Variants in ARG2 observed in about 807,000 individuals in gnomAD.
ARG2 encodes the protein arginase 2.
ARG2 carries 21 observed loss-of-function variants against 39.4 expected under a neutral mutation model. That is an observed-to-expected ratio of 0.53 (90% CI 0.38 to 0.77). The LOEUF (loss-of-function observed/expected upper bound fraction) is 0.77. Ranked by LOEUF, ARG2 falls within the 30% of genes least tolerant of loss-of-function variation. The probability of loss-of-function intolerance (pLI) is 0.00; values close to 1 mark genes in which losing one functional copy is unlikely to be tolerated. For missense variants in ARG2, 378 were observed against 426.2 expected, an observed-to-expected ratio of 0.89 and a Z score of 1.00; for synonymous variants, 150 against 156.7, an observed-to-expected ratio of 0.96 and a Z score of 0.32.
chr14:67,646,499 C>A, intron 4 of ARG2, 145 bp from the exon 5 acceptor site: 1 of 601,490 alleles, frequency 1.7e-6, no homozygotes, highest in East Asian at 2.8e-5. Flanking sequence ...CTTCTCCTTC[C>A]CAGATCAAGT....
chr14:67,642,459 T>C lies in ARG2; in HGVS notation c.362+96T>C. The C allele has an allele frequency of 3.6e-6, 5 of 1,381,440 alleles. No individual in the cohort carries two copies. The South Asian group carries it at 5.5e-5, about 15-fold the overall frequency. 85.6% of individuals were successfully genotyped at this position (1,381,440 alleles called of 1,614,324 possible). A position where few individuals can be genotyped will look rare whatever the true frequency, so the allele number is the denominator to read the frequency against. ...ATCTGTTTCTTCATCTGGAGAAAAA[T>C]ACCCTACAGAATTTTTAGGGTAGAT... On this transcript the variant is annotated intron_variant, in intron 3 of 7. Transcript: ENST00000261783.
Position 67,648,033 on chromosome 14 carries a change from C to G in ARG2, c.723-14C>G. ...GTATTATTTTAAGTATTATTTTATCCTCTTCCTTTTTAGGAGACAAAGACC... is the reference window on the plus strand; with the variant it reads ...GTATTATTTTAAGTATTATTTTATCGTCTTCCTTTTTAGGAGACAAAGACC... On this transcript the variant is annotated splice_polypyrimidine_tract_variant and intron_variant, in intron 6 of 7. Transcript: ENST00000261783. 6.3e-7 allele frequency: 1 copy of G among 1,594,214 alleles called. No individual in the cohort carries two copies. The highest frequency in any genetic ancestry group is 8.6e-7 in the Non-Finnish European group (1 of 1,168,804).
At chr14:67,647,806 AGTCT>A (rs1183751334) in intron 6 of ARG2, 14 of 493,684 alleles carry the variant, frequency 2.8e-5, no homozygotes, top group Non-Finnish European at 4.7e-5. Context: ...CATTGGAGTT[AGTCT>A]GTCTGAGGTA....
chr14:67,624,894 C>T (rs754698892), intron 2 of ARG2, among the ~76,000 whole-genome samples: 14 of 152,146 alleles, frequency 9.2e-5, no homozygotes, highest in Admixed American at 2.0e-4. Context: ...TGCCCTGTTC[C>T]CATGCTGCCT....
At chr14:67,627,301 T>G (rs1349549754) in intron 2 of ARG2, among the ~76,000 whole-genome samples, 3 of 143,038 alleles carry the variant, frequency 2.1e-5, no homozygotes, top group Non-Finnish European at 4.5e-5. Flanking sequence ...TCTGAATTGC[T>G]AATATTGATC....
chr14:67,642,793 C>CTTT (rs869215946), intron 3 of ARG2, among the ~76,000 whole-genome samples: 9,497 of 75,354 alleles, frequency 0.13, 3,261 homozygotes, highest in East Asian at 0.27. Context: ...ACTACATTTT[C>CTTT]TTTTTTTTTT....
At chr14:67,624,226 T>C (rs1170176718) in intron 2 of ARG2, among the ~76,000 whole-genome samples, 1 of 152,172 alleles carries the variant, frequency 6.6e-6, no homozygotes, top group Non-Finnish European at 1.5e-5. Context: ...TTGTACTCTT[T>C]TCTCCAGTTT....
At position 67,642,249 on chromosome 14, in the gene ARG2, A is replaced by G; in HGVS notation, c.248A>G (p.Asn83Ser). The stretch of plus-strand genomic sequence containing the variant: ...CCAGTCCCCAAAGATGATCTCTACA[A>G]CAACCTGATAGTGAATCCACGCTCA... ...FTPVPKDDLY[N>S]NLIVNPRSVG... Residue 83 changes from asparagine to serine, a missense_variant, in exon 3 of 8, where the codon AAC becomes AGC. Physicochemically the swap from Asn to Ser is conservative, Grantham distance 46 (BLOSUM62 1). Transcript: ENST00000261783. 1 of 1,612,588 alleles carries G rather than the reference A, an allele frequency of 6.2e-7. No homozygotes were observed. The highest frequency in any genetic ancestry group is 8.5e-7 in the Non-Finnish European group (1 of 1,178,786).
intron 2 of ARG2, among the ~76,000 whole-genome samples, chr14:67,623,716 AT>A: frequency 6.6e-6 from 1 of 151,822 alleles, no homozygotes; most frequent in South Asian, 2.1e-4. Flanking sequence ...TAATTTTTGT[AT>A]TTTTAGTAGA....
At position 67,634,185 on chromosome 14, in the gene ARG2, T is replaced by C. The variant is rs372059164; in HGVS notation, c.185-8001T>C. 2.0e-5 allele frequency among the ~76,000 whole-genome samples: 3 copies of C among 152,268 alleles called. No homozygotes were observed. In the South Asian group the frequency reaches 6.2e-4, roughly 32 times the overall value. On this transcript the variant is annotated intron_variant, in intron 2 of 7. Coordinates refer to ENST00000261783, the MANE Select transcript of ARG2 (RefSeq NM_001172.4). ...CTTGATGAGTTTTCCCAAACCAGTA[T>C]TTTGTTTCTCTGAAAATGATCTGCT...
At chr14:67,643,483 T>C (rs987379104) in intron 3 of ARG2, among the ~76,000 whole-genome samples, 1 of 152,164 alleles carries the variant, frequency 6.6e-6, no homozygotes, top group Non-Finnish European at 1.5e-5. Context: ...AGGTGGTAGA[T>C]ATGGTTTTAT....
chr14:67,629,256 A>G (rs2036895731), intron 2 of ARG2, among the ~76,000 whole-genome samples: 2 of 152,190 alleles, frequency 1.3e-5, no homozygotes, highest in Non-Finnish European at 2.9e-5. Flanking sequence ...GTATTGCTTG[A>G]GCCCAGGAGG....
intron 2 of ARG2, among the ~76,000 whole-genome samples, chr14:67,639,697 G>A (rs962866662): frequency 2.6e-5 from 4 of 152,106 alleles, no homozygotes; most frequent in Admixed American, 1.3e-4. Flanking sequence ...GAGGCAGGTG[G>A]ATCACTTGCG....
intron 2 of ARG2, among the ~76,000 whole-genome samples, chr14:67,638,369 C>CA (rs11300364): frequency 4.7e-4 from 70 of 147,976 alleles, no homozygotes; most frequent in Non-Finnish European, 5.3e-4. Flanking sequence ...ACAAATAATC[C>CA]AAAAAAAAAA....
At position 67,630,197 on chromosome 14, in the gene ARG2, C is replaced by T. The variant is rs189169956; in HGVS notation, c.184+9231C>T. 2.4e-4 allele frequency among the ~76,000 whole-genome samples: 36 copies of T among 152,276 alleles called. 1 individual carries two copies. The highest frequency in any genetic ancestry group is 5.3e-4 in the African/African-American group (22 of 41,540). On this transcript the variant is annotated intron_variant, in intron 2 of 7. Transcript: ENST00000261783. ...TATTAGGTTTGTGCAAAAGTAATTG[C>T]GGTTTTTGCTGTTGAAATGGGTATC... is the stretch of plus-strand genomic sequence containing the variant.
chr14:67,646,788 G>T (rs762424516), intron 5 of ARG2, 50 bp downstream of exon 5: 4 of 1,519,390 alleles, frequency 2.6e-6, no homozygotes, highest in East Asian at 4.5e-5. Context: ...AGCCAATTAT[G>T]TTCTATTTGA....
chr14:67,642,496 CAGCA>C, intron 3 of ARG2, 133 bp downstream of exon 3: 1 of 1,062,244 alleles, frequency 9.4e-7, no homozygotes, highest in East Asian at 2.6e-5. Flanking sequence ...TTAAAATGAA[CAGCA>C]AGCATTTAAA....
chr14:67,650,665 G>A, intron 7 of ARG2, 50 bp from the exon 8 acceptor site: 1 of 1,562,390 alleles, frequency 6.4e-7, no homozygotes, highest in Non-Finnish European at 8.8e-7. Flanking sequence ...GACCCTCACT[G>A]AGAGTAGCAG....
intron 3 of ARG2, among the ~76,000 whole-genome samples, chr14:67,645,211 A>C (rs1412789915): frequency 6.6e-6 from 1 of 151,164 alleles, no homozygotes; most frequent in Non-Finnish European, 1.5e-5. Flanking sequence ...ACAGGGTGTG[A>C]CTATTTTGCC....
Sources: gnomAD v4.1 joint callset for allele counts (sites outside exome capture counted in the v4.1 genomes callset) on GRCh38, gnomAD v4.1.1 for gene constraint, MANE v1.5 for transcripts, NCBI Gene and HGNC (gene_info 2026-07-23, HGNC 2026-07-21) for gene names.